The following SLC7A10 variants were observed in gnomAD, a reference collection of about 807,000 sequenced individuals.
SLC7A10 encodes solute carrier family 7 member 10, also known as asc-type amino acid transporter 1.
Under a neutral mutation model 52.7 loss-of-function variants are expected in SLC7A10, and 30 were observed. The ratio of observed to expected loss-of-function variants is 0.57; its 90% confidence interval spans 0.43 to 0.77. SLC7A10 has a LOEUF of 0.77. SLC7A10 is among the 30% of genes least tolerant of loss of function. The pLI, the probability that SLC7A10 is intolerant of heterozygous loss-of-function variation, is 0.00. For missense variants in SLC7A10, 581 were observed against 698.5 expected, an observed-to-expected ratio of 0.83 and a Z score of 1.90; for synonymous variants, 318 against 314.9, an observed-to-expected ratio of 1.01 and a Z score of -0.10.
chr19:33,222,435 TAAAATAAAATAAATA>T (rs1399791281), intron 1 of SLC7A10, among the ~76,000 whole-genome samples: 18,924 of 119,726 alleles, frequency 0.16, 1,853 homozygotes, highest in South Asian at 0.27. Flanking sequence ...TAAAATAAAA[TAAAATAAAATAAATA>T]AAATAAAATA....
chr19:33,210,543 T>C lies in SLC7A10; in HGVS notation c.1187A>G (p.Tyr396Cys), dbSNP rs770941139. 3 of 1,611,504 alleles carry C rather than the reference T, an allele frequency of 1.9e-6. No homozygotes were observed. Among genetic ancestry groups the C allele is most frequent in the Non-Finnish European group, 2.5e-6 (3 of 1,179,882 alleles). The change falls in exon 9 of 11, where the codon TAC becomes TGC. Residue 396 changes from tyrosine (Y) to cysteine (C), a missense_variant. By Grantham distance (194) the Tyr-to-Cys change is radical. Coordinates refer to ENST00000253188, the MANE Select transcript of SLC7A10 (RefSeq NM_019849.3). This position sits in a 1 kb window ranked among gnomAD's most constrained non-coding sequence, Gnocchi z 5.6. ...TLINYVSFIN[Y>C]LCYGVTILGL... ...CAGGATGGTGACGCCGTAGCAGAGG[T>C]AGTTGATGAAGGACACATAGTTGAT...
At position 33,210,362 on chromosome 19, in the gene SLC7A10, C is replaced by T; in HGVS notation, c.1263+105G>A. ...GAGCCCTGAGCAGGGCCCAACACTC[C>T]ACAAAAGCTGGCACCTCCCATCCCA... is the stretch of plus-strand genomic sequence containing the variant. On this transcript the variant is annotated intron_variant, in intron 9 of 10. Transcript: ENST00000253188. The surrounding 1 kb of genome is among the most constrained non-coding windows in gnomAD (Gnocchi z 5.6). 7.0e-7 allele frequency: 1 copy of T among 1,430,822 alleles called. No individual in the cohort carries two copies. The highest frequency in any genetic ancestry group is 9.4e-7 in the Non-Finnish European group (1 of 1,058,440). 88.6% of individuals were successfully genotyped at this position (1,430,822 alleles called of 1,614,324 possible).
Position 33,208,755 on chromosome 19 carries a change from CCTTAAACAGGCTT to C in SLC7A10, c.*123_*135del. ...AAACCCAGTCCACATTTTAGGGCTTCCTTAAACAGGCTTCTGAGAGTCGTATCTTTTTTCTTTT... is the reference window on the plus strand; with the variant it reads ...AAACCCAGTCCACATTTTAGGGCTTCCTGAGAGTCGTATCTTTTTTCTTTT... On this transcript the variant is annotated 3_prime_UTR_variant, in exon 11 of 11. Transcript: ENST00000253188. This position sits in a 1 kb window ranked among gnomAD's most constrained non-coding sequence, Gnocchi z 4.7. The C allele has an allele frequency of 9.0e-7, 1 of 1,114,638 alleles. No homozygotes were observed. The highest frequency in any genetic ancestry group is 1.4e-5 in the South Asian group (1 of 71,682). 69.0% of individuals were successfully genotyped at this position (1,114,638 alleles called of 1,614,324 possible).
rs1303620968 is a variant in SLC7A10, at chr19:33,208,981, G to A, written c.1482C>T (p.Val494=). 1 of 1,613,844 alleles carries A rather than the reference G, an allele frequency of 6.2e-7. No homozygotes were observed. Among genetic ancestry groups the A allele is most frequent in the Non-Finnish European group, 8.5e-7 (1 of 1,180,032 alleles). Residue 494 remains valine (V), a synonymous_variant, in exon 11 of 11, where the codon GTC becomes GTT. Coordinates refer to ENST00000253188, the MANE Select transcript of SLC7A10 (RefSeq NM_019849.3). This position sits in a 1 kb window ranked among gnomAD's most constrained non-coding sequence, Gnocchi z 4.7. Reference sequence around the variant, plus strand: ...CCTCTTCGGGGGCGTCCTGGGGGTAGACCACGAAACACAGCTCCTGGCCCC... The same window carrying A: ...CCTCTTCGGGGGCGTCCTGGGGGTAAACCACGAAACACAGCTCCTGGCCCC... ...THWGQELCFV[V]YPQDAPEEEE...
chr19:33,222,423 T>A (rs1272232656), intron 1 of SLC7A10, among the ~76,000 whole-genome samples: 3 of 107,112 alleles, frequency 2.8e-5, no homozygotes, highest in East Asian at 2.9e-4. Context: ...TAAAATAAAA[T>A]ATAAAATAAA....
chr19:33,225,449 G>T, intron 1 of SLC7A10, 104 bp downstream of exon 1: 2 of 1,402,974 alleles, frequency 1.4e-6, no homozygotes, highest in African/African-American at 1.4e-5. Context: ...AGGTTCCCCA[G>T]GCAGACCCGT....
intron 2 of SLC7A10, among the ~76,000 whole-genome samples, chr19:33,214,961 GGGTGCTAA>G (rs1367936013): frequency 6.6e-6 from 1 of 152,160 alleles, no homozygotes; most frequent in Admixed American, 6.5e-5. Flanking sequence ...AAGGATAGCA[GGGTGCTAA>G]GGAAAGGAGA....
chr19:33,222,769 G>A (rs533970815), intron 1 of SLC7A10, among the ~76,000 whole-genome samples: 2 of 151,868 alleles, frequency 1.3e-5, no homozygotes, highest in Non-Finnish European at 2.9e-5. Flanking sequence ...CAGCCTGGCC[G>A]ATTCCCTTCC....
chr19:33,209,098 G>T, intron 10 of SLC7A10, 77 bp from the exon 11 acceptor site: 1 of 1,601,374 alleles, frequency 6.2e-7, no homozygotes, highest in Admixed American at 1.7e-5. Flanking sequence ...ACCTCCCCTT[G>T]GGCAGGGGTC....
intron 2 of SLC7A10, among the ~76,000 whole-genome samples, chr19:33,213,300 T>G (rs1167394186): frequency 6.6e-6 from 1 of 151,132 alleles, no homozygotes; most frequent in African/African-American, 2.5e-5. Flanking sequence ...TTTCTTTTTT[T>G]TTTTTTGAGA....
chr19:33,210,381 C>A lies in SLC7A10; in HGVS notation c.1263+86G>T. The A allele has an allele frequency of 1.3e-6, 2 of 1,503,594 alleles. No individual in the cohort carries two copies. Among genetic ancestry groups the A allele is most frequent in the Non-Finnish European group, 1.8e-6 (2 of 1,120,330 alleles). 93.1% of individuals were successfully genotyped at this position (1,503,594 alleles called of 1,614,324 possible). A position where few individuals can be genotyped will look rare whatever the true frequency, so the allele number is the denominator to read the frequency against. ...ACACTCCACAAAAGCTGGCACCTCC[C>A]ATCCCACCTGCCCCTGGTGCCCACT... On this transcript the variant is annotated intron_variant, in intron 9 of 10. Transcript: ENST00000253188. This position sits in a 1 kb window ranked among gnomAD's most constrained non-coding sequence, Gnocchi z 5.6.
intron 1 of SLC7A10, 56 bp from the exon 2 acceptor site, chr19:33,216,029 C>G: frequency 1.4e-6 from 2 of 1,452,882 alleles, no homozygotes; most frequent in Non-Finnish European, 9.3e-7. Flanking sequence ...GCAGCCCGGC[C>G]TTCTGTGTGG....
intron 1 of SLC7A10, among the ~76,000 whole-genome samples, chr19:33,224,631 C>T (rs1036948604): frequency 2.0e-5 from 3 of 152,136 alleles, no homozygotes; most frequent in African/African-American, 4.8e-5. Flanking sequence ...AGTCGAGGCC[C>T]CAGTCACTCA....
At position 33,211,592 on chromosome 19, in the gene SLC7A10, C is replaced by G; in HGVS notation, c.789-55G>C. 3 of 1,612,718 alleles carry G rather than the reference C, an allele frequency of 1.9e-6. No homozygotes were observed. In the Admixed American group the frequency reaches 5.0e-5, roughly 27 times the overall value. ...TCAGCTCCTGAGGGTGCAGGACCCC[C>G]GAGACCCAGCCACGAGAGCAGCTCA... On this transcript the variant is annotated intron_variant, in intron 5 of 10. Transcript: ENST00000253188.
intron 2 of SLC7A10, 92 bp from the exon 3 acceptor site, chr19:33,213,094 C>T: frequency 6.6e-7 from 1 of 1,524,508 alleles, no homozygotes; most frequent in Non-Finnish European, 8.9e-7. Flanking sequence ...TGCCCTGGGC[C>T]TGGCGCCCGG....
chr19:33,210,517 C>T lies in SLC7A10; in HGVS notation c.1213G>A (p.Gly405Ser). Residue 405 changes from glycine (G) to serine (S), a missense_variant, in exon 9 of 11, where the codon GGC (glycine) becomes AGC (serine). Physicochemically the swap from Gly to Ser is moderately conservative, Grantham distance 56 (BLOSUM62 0). Transcript: ENST00000253188. The surrounding 1 kb of genome is among the most constrained non-coding windows in gnomAD (Gnocchi z 5.6). ...NYLCYGVTIL[G>S]LLLLRWRRPA... ...CGCCTCCAGCGCAGCAGCAGCAGGC[C>T]CAGGATGGTGACGCCGTAGCAGAGG... is the stretch of plus-strand genomic sequence containing the variant. 1 of 1,610,004 alleles carries T rather than the reference C, an allele frequency of 6.2e-7. No individual in the cohort carries two copies. The highest frequency in any genetic ancestry group is 8.5e-7 in the Non-Finnish European group (1 of 1,179,812).
chr19:33,211,606 G>T, intron 5 of SLC7A10, 69 bp from the exon 6 acceptor site: 2 of 1,611,274 alleles, frequency 1.2e-6, no homozygotes, highest in South Asian at 1.1e-5. Context: ...ACCCAGCCAC[G>T]AGAGCAGCTC....
intron 5 of SLC7A10, 96 bp from the exon 6 acceptor site, chr19:33,211,633 G>C: frequency 2.5e-6 from 4 of 1,601,524 alleles, no homozygotes; most frequent in Non-Finnish European, 3.4e-6. Context: ...TCCATCTCTT[G>C]TGTCTGCTGG....
At position 33,208,885 on chromosome 19, in the gene SLC7A10, A is replaced by G. The variant is rs1283797161; in HGVS notation, c.*6T>C. ...AGAAACAACTGCTTCAGTCTCTACA[A>G]AAATCTCATTGTGGCTTCGAGGGCT... On this transcript the variant is annotated 3_prime_UTR_variant, in exon 11 of 11. Coordinates refer to ENST00000253188, the MANE Select transcript of SLC7A10 (RefSeq NM_019849.3). This position sits in a 1 kb window ranked among gnomAD's most constrained non-coding sequence, Gnocchi z 4.7. The G allele has an allele frequency of 6.2e-7, 1 of 1,614,068 alleles. No homozygotes were observed. Among genetic ancestry groups the G allele is most frequent in the Non-Finnish European group, 8.5e-7 (1 of 1,180,034 alleles).
Sources: gnomAD v4.1 joint callset for allele counts (sites outside exome capture counted in the v4.1 genomes callset) on GRCh38, gnomAD v4.1.1 for gene constraint, Gnocchi (gnomAD v3.1) non-coding constraint, MANE v1.5 for transcripts, NCBI Gene and HGNC (gene_info 2026-07-23, HGNC 2026-07-21) for gene names.